Variants in GCC2 observed in about 807,000 individuals in gnomAD.
GCC2 encodes the protein GRIP and coiled-coil domain-containing protein 2.
GCC2 carries 120 observed loss-of-function variants against 210.6 expected under a neutral mutation model. The ratio of observed to expected loss-of-function variants is 0.57; its 90% CI spans 0.49 to 0.66. The LOEUF is 0.66. Ranked by LOEUF, GCC2 falls within the 30% of genes least tolerant of loss-of-function variation. The pLI, the probability that GCC2 is intolerant of heterozygous loss-of-function variation, is 0.00. For missense variants in GCC2, 1,868 were observed against 1,871.9 expected (o/e 1.00, Z 0.04); for synonymous variants, 703 against 652.7 (o/e 1.08, Z -1.17).
At chr2:108,503,167 TAA>T (rs1044712389) in intron 22 of GCC2, among the ~76,000 whole-genome samples, 8 of 142,766 alleles carry the variant, frequency 5.6e-5, no homozygotes, top group East Asian at 4.9e-4. Flanking sequence ...CAAGCAGTAT[TAA>T]AAAAAAAAGA....
In GCC2 at chr2:108,449,667, C is replaced by T; in HGVS notation, c.41C>T (p.Thr14Ile). 6.2e-7 allele frequency: 1 copy of T among 1,613,614 alleles called. No homozygotes were observed. Among genetic ancestry groups the T allele is most frequent in the Non-Finnish European group, 8.5e-7 (1 of 1,179,592 alleles). ...CAAGATGGGGTGGCTTCACCAGCTA[C>T]CCCTGGGACCGGGAAATCTAAGGTG... is the stretch of plus-strand genomic sequence containing the variant. ...LVQDGVASPA[T>I]PGTGKSKLET... The change falls in exon 2 of 23, where the codon ACC becomes ATC. Residue 14 changes from threonine (T) to isoleucine (I), a missense_variant. Transcript: ENST00000309863.
At chr2:108,453,780 G>A (rs1336339567) in intron 4 of GCC2, among the ~76,000 whole-genome samples, 8 of 96,928 alleles carry the variant, frequency 8.3e-5, no homozygotes, top group East Asian at 9.4e-4. Context: ...GCAAGACTCC[G>A]TTTTTAAAAA....
At position 108,489,223 on chromosome 2, in the gene GCC2, CTG is replaced by C. The variant is rs1377088871; in HGVS notation, c.4053-610_4053-609del. On this transcript the variant is annotated intron_variant, in intron 17 of 22. Transcript: ENST00000309863. ...CATTCTTATAACAACAATTTAAGAACTGTGTGAGTGCGCCAGGCATGGCGGTT... is the reference window on the plus strand; with the variant it reads ...CATTCTTATAACAACAATTTAAGAACTGTGAGTGCGCCAGGCATGGCGGTT... 3.3e-5 allele frequency among the ~76,000 whole-genome samples: 5 copies of C among 152,188 alleles called. No homozygotes were observed. The East Asian group carries it at 9.6e-4, about 29-fold the overall frequency.
At chr2:108,507,228 CAAA>C (rs67425866) in intron 22 of GCC2, among the ~76,000 whole-genome samples, 3 of 150,956 alleles carry the variant, frequency 2.0e-5, no homozygotes, top group Non-Finnish European at 2.9e-5. Context: ...CGCATCTCCA[CAAA>C]AAAAACAAAA....
At chr2:108,505,836 G>A (rs576935245) in intron 22 of GCC2, among the ~76,000 whole-genome samples, 3 of 152,228 alleles carry the variant, frequency 2.0e-5, no homozygotes, top group Non-Finnish European at 4.4e-5. Flanking sequence ...AATTTGTTAC[G>A]CAGCAGATTG....
intron 17 of GCC2, 126 bp downstream of exon 17, chr2:108,487,946 G>A (rs1210149689): frequency 3.2e-6 from 3 of 941,408 alleles, no homozygotes; most frequent in African/African-American, 4.2e-5. Flanking sequence ...CGCTCTTGTT[G>A]CCCAGGCTGG....
intron 4 of GCC2, among the ~76,000 whole-genome samples, chr2:108,455,433 C>T (rs1001706166): frequency 8.6e-5 from 13 of 151,254 alleles, no homozygotes; most frequent in Non-Finnish European, 4.4e-5. Flanking sequence ...AGTGAGACTC[C>T]GTCTCAAGAA....
intron 16 of GCC2, among the ~76,000 whole-genome samples, chr2:108,486,917 CT>C (rs1001298597): frequency 6.6e-6 from 1 of 152,116 alleles, no homozygotes; most frequent in Admixed American, 6.5e-5. Flanking sequence ...ATTTATAAAA[CT>C]TTTTTTATTA....
chr2:108,470,131 G>A lies in GCC2; in HGVS notation c.802G>A (p.Ala268Thr), dbSNP rs1178546900. Reference sequence around the variant, plus strand: ...TGAAGCATCAGCTAAGGAACATGAAGCAGAGATAAATAAGTTGAACGAGCT... The same window carrying A: ...TGAAGCATCAGCTAAGGAACATGAAACAGAGATAAATAAGTTGAACGAGCT... Reference protein sequence around the residue: ...QIEASAKEHEAEINKLNELKE... With the variant: ...QIEASAKEHETEINKLNELKE... The change falls in exon 6 of 23, where the codon GCA becomes ACA. Residue 268 changes from alanine (A) to threonine (T), a missense_variant. Transcript: ENST00000309863. 1 of 1,613,646 alleles carries A rather than the reference G, an allele frequency of 6.2e-7. No individual in the cohort carries two copies. Among genetic ancestry groups the A allele is most frequent in the Non-Finnish European group, 8.5e-7 (1 of 1,179,876 alleles).
Position 108,509,304 on chromosome 2 carries a change from AC to A in GCC2, c.*1675del, listed in dbSNP as rs1683371302. ...ATAATTTTTTGCATGATAAAAAATT[AC>A]TTTGATTACAAAAGGCATATTCTTT... is the stretch of plus-strand genomic sequence containing the variant. On this transcript the variant is annotated 3_prime_UTR_variant, in exon 23 of 23. Transcript: ENST00000309863. 1 of 152,584 alleles carries A rather than the reference AC, an allele frequency of 6.6e-6. No homozygotes were observed. The highest frequency in any genetic ancestry group is 2.1e-4 in the South Asian group (1 of 4,828). 9.5% of individuals were successfully genotyped at this position (152,584 alleles called of 1,614,324 possible).
At chr2:108,464,765 G>A (rs916485672) in intron 4 of GCC2, among the ~76,000 whole-genome samples, 2 of 152,152 alleles carry the variant, frequency 1.3e-5, no homozygotes, top group African/African-American at 4.8e-5. Context: ...GAGGGAGGGA[G>A]ACGGGAGGGA....
Position 108,449,520 on chromosome 2 carries a change from G to A in GCC2, c.7-113G>A, listed in dbSNP as rs1210611857. ...TCCGCCCTCATTCTCTGTCTCACGA[G>A]GCTTTCCACCACTTGATTCCATAGA... On this transcript the variant is annotated intron_variant, in intron 1 of 22. Coordinates refer to ENST00000309863, the MANE Select transcript of GCC2 (RefSeq NM_181453.4). 1.1e-5 allele frequency: 14 copies of A among 1,270,590 alleles called. No homozygotes were observed. In the South Asian group the frequency reaches 1.8e-4, roughly 16 times the overall value. 78.7% of individuals were successfully genotyped at this position (1,270,590 alleles called of 1,614,324 possible). A position where few individuals can be genotyped will look rare whatever the true frequency, so the allele number is the denominator to read the frequency against.
intron 4 of GCC2, among the ~76,000 whole-genome samples, chr2:108,453,395 C>G (rs1460732780): frequency 2.0e-5 from 3 of 152,158 alleles, no homozygotes; most frequent in Non-Finnish European, 4.4e-5. Context: ...AATACTTAAC[C>G]TATTTCAATA....
intron 16 of GCC2, among the ~76,000 whole-genome samples, 161 bp from the exon 17 acceptor site, chr2:108,487,538 G>A (rs889753312): frequency 4.6e-5 from 7 of 152,138 alleles, no homozygotes; most frequent in Admixed American, 6.5e-5. Context: ...AAAGCCAACA[G>A]AAGTATGCTT....
At chr2:108,450,975 G>T in intron 2 of GCC2, 53 bp from the exon 3 acceptor site, 2 of 1,071,112 alleles carry the variant, frequency 1.9e-6, no homozygotes, top group Admixed American at 3.8e-5. Flanking sequence ...CTTTTTTGTG[G>T]TATACTAGAA....
intron 4 of GCC2, among the ~76,000 whole-genome samples, chr2:108,458,813 G>C (rs1238832622): frequency 6.6e-6 from 1 of 151,700 alleles, no homozygotes; most frequent in East Asian, 1.9e-4. Context: ...CTTTTTTGTT[G>C]TTGTTAGCCT....
chr2:108,503,090 GA>G (rs1337098428), intron 22 of GCC2, among the ~76,000 whole-genome samples: 2 of 151,796 alleles, frequency 1.3e-5, no homozygotes, highest in Non-Finnish European at 2.9e-5. Context: ...AATATATGAA[GA>G]GAATGGCTGG....
chr2:108,503,189 C>A (rs1056654494), intron 22 of GCC2, among the ~76,000 whole-genome samples: 11 of 151,736 alleles, frequency 7.2e-5, no homozygotes, highest in Admixed American at 7.2e-4. Flanking sequence ...AAGAAATCTA[C>A]TTCTAGTCAC....
chr2:108,456,673 A>C (rs180838644), intron 4 of GCC2, among the ~76,000 whole-genome samples: 2 of 152,020 alleles, frequency 1.3e-5, no homozygotes, highest in African/African-American at 2.4e-5. Context: ...TTCTTTTGCT[A>C]TGCAGAAGCT....
Sources: gnomAD v4.1 joint callset for allele counts (sites outside exome capture counted in the v4.1 genomes callset) on GRCh38, gnomAD v4.1.1 for gene constraint, MANE v1.5 for transcripts, NCBI Gene and HGNC (gene_info 2026-07-23, HGNC 2026-07-21) for gene names.